The following PPP2R2B variants were observed in gnomAD, a reference collection of about 807,000 sequenced individuals.
PPP2R2B encodes serine/threonine-protein phosphatase 2A 55 kDa regulatory subunit B beta isoform.
PPP2R2B carries 5 observed loss-of-function variants against 46.0 expected under a neutral mutation model. The observed-to-expected ratio is 0.11, with a 90% CI of 0.06 to 0.23. The LOEUF (loss-of-function observed/expected upper bound fraction) is 0.23, where lower values mean the gene tolerates loss of function less well. Ranked by LOEUF, PPP2R2B falls within the 10% of genes least tolerant of loss-of-function variation. PPP2R2B has a pLI of 1.00. For missense variants in PPP2R2B, 367 were observed against 575.0 expected (o/e 0.64, Z 3.70); for synonymous variants, 215 against 206.7 (o/e 1.04, Z -0.34).
rs141197426 is a variant in PPP2R2B at position 146,903,946 on chromosome 5, C to T, written c.79+151719G>A. Among the ~76,000 whole-genome samples, 411 of 152,268 alleles carry T rather than the reference C, an allele frequency of 2.7e-3. 2 individuals are homozygous for T. Among genetic ancestry groups the T allele is most frequent in the Non-Finnish European group, 4.6e-3 (313 of 68,016 alleles). On this transcript the variant is annotated intron_variant, in intron 1 of 8. Coordinates refer to the PPP2R2B transcript ENST00000336640. ...GCCAAATGATAGATTCTTCCCATTTCATGACTAACATAATGATCATTATAT... is the reference window on the plus strand; with the variant it reads ...GCCAAATGATAGATTCTTCCCATTTTATGACTAACATAATGATCATTATAT...
intron 2 of PPP2R2B, among the ~76,000 whole-genome samples, chr5:146,785,905 A>G (rs1755810323): frequency 6.6e-6 from 1 of 152,148 alleles, no homozygotes; most frequent in South Asian, 2.1e-4. Context: ...AATAAAGAGA[A>G]GTAGATTAAT....
rs914163187 is a variant in PPP2R2B at position 146,588,462 on chromosome 5, C to T, written c.*1485G>A. 1 of 152,198 alleles carries T rather than the reference C, an allele frequency of 6.6e-6. No individual in the cohort carries two copies. Among genetic ancestry groups the T allele is most frequent in the African/African-American group, 2.4e-5 (1 of 41,444 alleles). The allele number at this position is 152,198 out of a possible 1,614,324, so 9.4% of individuals were successfully genotyped here. On this transcript the variant is annotated 3_prime_UTR_variant, in exon 10 of 10. Transcript: ENST00000394411. ...AGAAAATTTCCCTTTCATTGAAAAA[C>T]TCTCATCTCAAACCATTTACCCTGC... is the stretch of plus-strand genomic sequence containing the variant.
chr5:146,607,529 AAG>A (rs1365114060), intron 7 of PPP2R2B, among the ~76,000 whole-genome samples: 2 of 152,260 alleles, frequency 1.3e-5, no homozygotes, highest in African/African-American at 4.8e-5. Context: ...TAGCGTGATG[AAG>A]AATGAAAAGT....
At chr5:146,740,572 AT>A (rs1752806794) in intron 2 of PPP2R2B, among the ~76,000 whole-genome samples, 2 of 91,754 alleles carry the variant, frequency 2.2e-5, no homozygotes, top group Non-Finnish European at 4.3e-5. Context: ...TTAAAATGAG[AT>A]CACACACACA....
At chr5:146,652,273 T>A (rs1166704882) in intron 5 of PPP2R2B, among the ~76,000 whole-genome samples, 1 of 152,210 alleles carries the variant, frequency 6.6e-6, no homozygotes, top group Non-Finnish European at 1.5e-5. Flanking sequence ...ATGCTCCCTG[T>A]GCTCTCACTA....
intron 2 of PPP2R2B, among the ~76,000 whole-genome samples, chr5:147,079,678 C>T (rs1220382846): frequency 1.3e-5 from 2 of 151,592 alleles, no homozygotes; most frequent in African/African-American, 4.8e-5. Context: ...ATAGTGGTTA[C>T]CAGAGGCCTG....
intron 7 of PPP2R2B, among the ~76,000 whole-genome samples, chr5:146,620,969 A>G (rs572089853): frequency 1.2e-4 from 18 of 152,362 alleles, no homozygotes; most frequent in South Asian, 4.1e-4. Context: ...GGCTGTCTAC[A>G]TAATCACTGC....
chr5:146,881,093 G>A (rs1235173295), upstream of PPP2R2B, among the ~76,000 whole-genome samples: 3 of 152,168 alleles, frequency 2.0e-5, no homozygotes, highest in Admixed American at 6.5e-5. Flanking sequence ...GGAGATGGGA[G>A]TAGGCTGCAG....
intron 2 of PPP2R2B, among the ~76,000 whole-genome samples, chr5:147,069,785 G>GTTTTTTTTTTATTTTTTTTTT (rs1757523460): frequency 1.5e-5 from 1 of 64,786 alleles, no homozygotes; most frequent in Non-Finnish European, 2.5e-5. Context: ...ATTTTATACT[G>GTTTTTTTTTTATTTTTTTTTT]TTTTTTTTTT....
chr5:146,886,692 C>T (rs1252131547), intron 1 of PPP2R2B, among the ~76,000 whole-genome samples: 1 of 151,966 alleles, frequency 6.6e-6, no homozygotes, highest in Non-Finnish European at 1.5e-5. Context: ...AAAAAATGTG[C>T]ATATGCTAAA....
chr5:146,706,397 T>C, intron 2 of PPP2R2B: 1 of 762,020 alleles, frequency 1.3e-6, no homozygotes, highest in Non-Finnish European at 2.2e-6. Context: ...ACCACCTGCA[T>C]AGCCGCTGGT....
At chr5:147,009,931 A>AT (rs1423757788) in intron 1 of PPP2R2B, among the ~76,000 whole-genome samples, 1 of 151,486 alleles carries the variant, frequency 6.6e-6, no homozygotes, top group South Asian at 2.1e-4. Flanking sequence ...TAATTTAAGC[A>AT]TTTTTTATAC....
intron 1 of PPP2R2B, among the ~76,000 whole-genome samples, chr5:146,991,083 G>A (rs993163341): frequency 1.3e-5 from 2 of 152,034 alleles, no homozygotes; most frequent in Admixed American, 6.5e-5. Flanking sequence ...AAATGCTTGT[G>A]AAGATACAGA....
At chr5:146,955,703 G>A (rs1373051392) in intron 1 of PPP2R2B, among the ~76,000 whole-genome samples, 1 of 151,720 alleles carries the variant, frequency 6.6e-6, no homozygotes, top group Non-Finnish European at 1.5e-5. Context: ...CTGCATGGAA[G>A]AGGTTACAGA....
chr5:146,631,570 T>C (rs918682270), intron 7 of PPP2R2B, among the ~76,000 whole-genome samples: 1 of 152,260 alleles, frequency 6.6e-6, no homozygotes, highest in African/African-American at 2.4e-5. Context: ...GCTGCTTTTA[T>C]GCTGCTAAAC....
rs1755109522 is a variant in PPP2R2B at position 146,775,192 on chromosome 5, A to T, written c.71-74050T>A. Among the ~76,000 whole-genome samples the T allele has an allele frequency of 4.6e-5, 7 of 152,364 alleles. No homozygotes were observed. The South Asian group carries it at 1.4e-3, about 32-fold the overall frequency. The stretch of plus-strand genomic sequence containing the variant: ...AAAGTCAGACAGACAACACAAGCAA[A>T]GAAAACTATAAACTAACACATTTTA... On this transcript the variant is annotated intron_variant, in intron 2 of 9. Transcript: ENST00000394411.
At chr5:146,834,088 A>G (rs1759127737) in intron 2 of PPP2R2B, among the ~76,000 whole-genome samples, 1 of 152,336 alleles carries the variant, frequency 6.6e-6, no homozygotes, top group Middle Eastern at 3.4e-3. Context: ...ATATACTTTT[A>G]TGATACCTTG....
At chr5:146,668,893 G>T (rs980348349) in intron 5 of PPP2R2B, among the ~76,000 whole-genome samples, 1 of 152,184 alleles carries the variant, frequency 6.6e-6, no homozygotes, top group South Asian at 2.1e-4. Flanking sequence ...ATGGACAGAG[G>T]TTATTGCCTT....
chr5:146,640,330 A>T (rs1775114733), intron 6 of PPP2R2B, among the ~76,000 whole-genome samples: 2 of 152,222 alleles, frequency 1.3e-5, no homozygotes, highest in South Asian at 4.1e-4. Flanking sequence ...AGTCTCCTGG[A>T]TTCACAAAAT....
Sources: allele counts gnomAD v4.1 joint callset (sites outside exome capture counted in the v4.1 genomes callset), GRCh38; gene constraint gnomAD v4.1.1; transcripts MANE v1.5; gene names NCBI Gene and HGNC (gene_info 2026-07-23, HGNC 2026-07-21).